OSBPL10: variants seen among roughly 807,000 people sequenced by gnomAD.
OSBPL10 encodes oxysterol-binding protein-related protein 10.
OSBPL10 carries 49 observed loss-of-function variants against 81.7 expected under a neutral mutation model. The observed-to-expected ratio is 0.60, with a 90% CI of 0.48 to 0.76. OSBPL10 has a LOEUF of 0.76. Among genes scored for constraint, OSBPL10 ranks in the 30% least tolerant of loss-of-function variants. OSBPL10 has a pLI of 0.00. For synonymous variants in OSBPL10, 419 were observed against 383.6 expected, an observed-to-expected ratio of 1.09 and a Z score of -1.08; for missense variants, 923 against 987.8, an observed-to-expected ratio of 0.93 and a Z score of 0.88.
chr3:31,786,423 T>C (rs1176367800), intron 4 of OSBPL10, among the ~76,000 whole-genome samples: 2 of 152,214 alleles, frequency 1.3e-5, no homozygotes, highest in Non-Finnish European at 2.9e-5. Context: ...GGGTAATTTA[T>C]AGACAGTAGA....
intron 1 of OSBPL10, among the ~76,000 whole-genome samples, chr3:31,966,390 C>T (rs1233925345): frequency 3.3e-5 from 5 of 150,470 alleles, no homozygotes; most frequent in Non-Finnish European, 1.5e-5. Flanking sequence ...AAGCATCTGC[C>T]TTAGGAAACT....
chr3:32,049,796 G>A (rs985878093), intron 1 of OSBPL10, among the ~76,000 whole-genome samples: 4 of 152,130 alleles, frequency 2.6e-5, no homozygotes, highest in African/African-American at 2.4e-5. Context: ...TGGGACTACT[G>A]GAAAAGATCC....
At chr3:32,072,543 C>T (rs1157991109) in intron 1 of OSBPL10, among the ~76,000 whole-genome samples, 1 of 152,160 alleles carries the variant, frequency 6.6e-6, no homozygotes, top group Non-Finnish European at 1.5e-5. Flanking sequence ...TAACCTCTTC[C>T]ATGTAGGTTA....
chr3:31,782,273 C>A (rs1261780716), intron 4 of OSBPL10, among the ~76,000 whole-genome samples: 1 of 152,108 alleles, frequency 6.6e-6, no homozygotes, highest in Non-Finnish European at 1.5e-5. Context: ...TTTCACCTTA[C>A]ACAAAAATCA....
rs192383390 is a variant in OSBPL10, at chr3:31,681,199, G to C, written c.1726+2435C>G. ...ATCCTGATTGATCCTTGAGAGGAAGGTGTGACGAGTGCAGCATGAGCTGCT... is the reference window on the plus strand; with the variant it reads ...ATCCTGATTGATCCTTGAGAGGAAGCTGTGACGAGTGCAGCATGAGCTGCT... On this transcript the variant is annotated intron_variant, in intron 8 of 11. Transcript: ENST00000396556. Among the ~76,000 whole-genome samples, 436 of 152,268 alleles carry C rather than the reference G, an allele frequency of 2.9e-3. 1 individual carries two copies. Among genetic ancestry groups the C allele is most frequent in the Admixed American group, 4.1e-3 (62 of 15,304 alleles).
chr3:31,745,350 T>TAGAG (rs1697488492), intron 5 of OSBPL10, among the ~76,000 whole-genome samples: 2 of 152,184 alleles, frequency 1.3e-5, no homozygotes, highest in Admixed American at 1.3e-4. Flanking sequence ...CAACTTACTC[T>TAGAG]TAAGTGGTTA....
In OSBPL10 at chr3:31,683,753, T is replaced by C. The variant is rs754278331; in HGVS notation, c.1607A>G (p.His536Arg). Residue 536 changes from histidine to arginine, a missense_variant, in exon 8 of 12, where the codon CAC becomes CGC. Transcript: ENST00000396556. The stretch of plus-strand genomic sequence containing the variant: ...ACAGTAGAAGCAGGAGATGGGTGGG[T>C]GATGGGACACTTGCTCAGCCACAAA... ...LRFVAEQVSH[H>R]PPISCFYCEC... The C allele has an allele frequency of 2.5e-6, 4 of 1,614,066 alleles. No individual in the cohort carries two copies. The East Asian group carries it at 6.7e-5, about 27-fold the overall frequency.
chr3:31,781,195 C>T (rs6764405), intron 4 of OSBPL10, among the ~76,000 whole-genome samples: 6 of 152,052 alleles, frequency 3.9e-5, no homozygotes, highest in African/African-American at 1.2e-4. Flanking sequence ...TCACATAAAC[C>T]GAATTAAAAA....
intron 7 of OSBPL10, 94 bp downstream of exon 7, chr3:31,702,265 T>C: frequency 7.0e-7 from 1 of 1,434,624 alleles, no homozygotes; most frequent in Non-Finnish European, 9.5e-7. Flanking sequence ...TTCTCCAATC[T>C]CACCACAACG....
In OSBPL10 at chr3:31,863,217, A is replaced by C. The variant is rs368123493; in HGVS notation, c.537+13216T>G. ...TTAAATGAAATATCCAAAAGAGGCA[A>C]ATCCATAGAGACAGTGGTTAGTGGT... On this transcript the variant is annotated intron_variant, in intron 3 of 11. Transcript: ENST00000396556. Among the ~76,000 whole-genome samples the C allele has an allele frequency of 2.0e-5, 3 of 152,338 alleles. No individual in the cohort carries two copies. The East Asian group carries it at 5.8e-4, about 29-fold the overall frequency.
intron 1 of OSBPL10, among the ~76,000 whole-genome samples, chr3:31,914,545 T>C (rs187761079): frequency 1.3e-5 from 2 of 152,152 alleles, no homozygotes; most frequent in South Asian, 2.1e-4. Flanking sequence ...TTGGGAAATG[T>C]CACAGCAAAA....
At chr3:31,690,169 G>A (rs1461843838) in intron 7 of OSBPL10, among the ~76,000 whole-genome samples, 1 of 152,142 alleles carries the variant, frequency 6.6e-6, no homozygotes, top group Non-Finnish European at 1.5e-5. Flanking sequence ...CTGATGGGAG[G>A]TGATTGGATC....
intron 11 of OSBPL10, chr3:31,663,473 A>G: frequency 1.0e-6 from 1 of 991,354 alleles, no homozygotes; most frequent in African/African-American, 1.7e-5. Context: ...CTTCAAGAGC[A>G]TAAGGGCTTC....
intron 4 of OSBPL10, among the ~76,000 whole-genome samples, chr3:31,801,828 G>GT (rs200774070): frequency 0.074 from 10,807 of 146,162 alleles, 1,301 homozygotes; most frequent in African/African-American, 0.25. Flanking sequence ...TTTTTTTGTT[G>GT]TTTTTTTTTT....
chr3:31,720,622 G>A (rs1453211762), intron 6 of OSBPL10, among the ~76,000 whole-genome samples: 1 of 152,142 alleles, frequency 6.6e-6, no homozygotes, highest in African/African-American at 2.4e-5. Context: ...GAGACGGCCA[G>A]GCGTGGTGGC....
chr3:31,794,715 G>A (rs1699140720), intron 4 of OSBPL10: 2 of 297,398 alleles, frequency 6.7e-6, no homozygotes, highest in Non-Finnish European at 1.4e-5. Context: ...TCAGGACTCT[G>A]AGGGCAGGGG....
At chr3:31,904,623 C>T (rs1575608105) in intron 1 of OSBPL10, among the ~76,000 whole-genome samples, 1 of 152,130 alleles carries the variant, frequency 6.6e-6, no homozygotes, top group East Asian at 1.9e-4. Context: ...AAACACAAAA[C>T]CCAGGGTCAC....
At chr3:32,038,837 T>G (rs77264471) in intron 2 of OSBPL10, among the ~76,000 whole-genome samples, 2,386 of 152,250 alleles carry the variant, frequency 0.016, 59 homozygotes, top group African/African-American at 0.054. Flanking sequence ...AGGAAAATTA[T>G]AACCTAATAA....
At chr3:31,735,198 C>T (rs1332276357) in intron 5 of OSBPL10, among the ~76,000 whole-genome samples, 2 of 152,330 alleles carry the variant, frequency 1.3e-5, no homozygotes, top group East Asian at 1.9e-4. Context: ...ACTTTGGGAT[C>T]CCGGCTGAGG....
Sources: allele counts gnomAD v4.1 joint callset (sites outside exome capture counted in the v4.1 genomes callset), GRCh38; gene constraint gnomAD v4.1.1; transcripts MANE v1.5; gene names NCBI Gene and HGNC (gene_info 2026-07-23, HGNC 2026-07-21).